The following CCDC102B variants were observed in gnomAD, a reference collection of about 807,000 sequenced individuals.
The protein encoded by CCDC102B is coiled-coil domain-containing protein 102B.
A neutral mutation model predicts 57.4 loss-of-function variants in CCDC102B; 75 were observed. The observed-to-expected ratio is 1.31, with a 90% CI of 1.08 to 1.58. CCDC102B has a LOEUF of 1.58. CCDC102B is among the 40% of genes most tolerant of loss of function. The pLI is 0.00. For missense variants in CCDC102B, 636 were observed against 582.6 expected, an observed-to-expected ratio of 1.09 and a Z score of -0.94; for synonymous variants, 206 against 201.9, an observed-to-expected ratio of 1.02 and a Z score of -0.17.
At chr18:68,885,470 A>G (rs947256362) in intron 5 of CCDC102B, among the ~76,000 whole-genome samples, 5 of 152,076 alleles carry the variant, frequency 3.3e-5, no homozygotes, top group African/African-American at 1.2e-4. Context: ...ACACTGGAAT[A>G]CAATAAACTG....
At chr18:68,728,953 T>G (rs981238644) in intron 2 of CCDC102B, among the ~76,000 whole-genome samples, 45 of 151,910 alleles carry the variant, frequency 3.0e-4, no homozygotes, top group African/African-American at 1.1e-3. Flanking sequence ...TTTAAAAAAG[T>G]TCATGTATTC....
At chr18:68,960,391 G>A (rs1221154894) in intron 6 of CCDC102B, among the ~76,000 whole-genome samples, 3 of 152,152 alleles carry the variant, frequency 2.0e-5, no homozygotes, top group Non-Finnish European at 2.9e-5. Flanking sequence ...CACAATGCAA[G>A]ACAAAGCCCT....
intron 2 of CCDC102B, among the ~76,000 whole-genome samples, chr18:68,717,674 G>GT (rs926532336): frequency 2.0e-5 from 3 of 151,844 alleles, no homozygotes; most frequent in African/African-American, 4.8e-5. Context: ...AAATTTAAGT[G>GT]TTTTTTTCTG....
chr18:68,987,503 A>G (rs1157019703), intron 6 of CCDC102B, among the ~76,000 whole-genome samples: 1 of 152,146 alleles, frequency 6.6e-6, no homozygotes, highest in East Asian at 1.9e-4. Context: ...CCTTGGCAGG[A>G]TTTTTAGCTA....
rs573043835 is a variant in CCDC102B at position 68,766,028 on chromosome 18, A to T, written c.-67+49434A>T. Among the ~76,000 whole-genome samples the T allele has an allele frequency of 2.0e-5, 3 of 152,304 alleles. No homozygotes were observed. The East Asian group carries it at 5.8e-4, about 29-fold the overall frequency. Reference sequence around the variant, plus strand: ...TTTTCCATAAAAAATTTTAAAACATATTAATTCATAGGAGATAAGAATTAA... The same window carrying T: ...TTTTCCATAAAAAATTTTAAAACATTTTAATTCATAGGAGATAAGAATTAA... On this transcript the variant is annotated intron_variant, in intron 2 of 3. Coordinates refer to the CCDC102B transcript ENST00000578970.
At chr18:68,849,184 T>C (rs1053263759) in intron 4 of CCDC102B, among the ~76,000 whole-genome samples, 2 of 152,106 alleles carry the variant, frequency 1.3e-5, no homozygotes, top group African/African-American at 4.8e-5. Flanking sequence ...TTAGAATTAC[T>C]AGTGGTATGT....
At chr18:68,893,609 G>A (rs1004857913) in intron 5 of CCDC102B, among the ~76,000 whole-genome samples, 7 of 152,126 alleles carry the variant, frequency 4.6e-5, no homozygotes, top group Non-Finnish European at 8.8e-5. Flanking sequence ...CATACAGTGT[G>A]TGTCTGGTGC....
chr18:68,996,966 T>G (rs2051045204), intron 6 of CCDC102B, among the ~76,000 whole-genome samples: 1 of 152,204 alleles, frequency 6.6e-6, no homozygotes, highest in Admixed American at 6.5e-5. Context: ...CAGATGGAGC[T>G]AATTGAATTA....
At chr18:68,779,820 T>C (rs2034946792) in intron 2 of CCDC102B, among the ~76,000 whole-genome samples, 1 of 152,108 alleles carries the variant, frequency 6.6e-6, no homozygotes, top group Non-Finnish European at 1.5e-5. Context: ...CATGGGTTGA[T>C]TTTTTAAAAA....
rs569665664 is a variant in CCDC102B at position 68,912,705 on chromosome 18, G to A, written c.1263+15277G>A. ...GAGAAATGGGACCAGAGGCTGGAAA[G>A]GAAAAGAAAAAGAATGAAGCCCTTA... On this transcript the variant is annotated intron_variant, in intron 6 of 7. Transcript: ENST00000360242. Among the ~76,000 whole-genome samples the A allele has an allele frequency of 5.8e-4, 88 of 152,210 alleles. 2 individuals carry two copies. The South Asian group carries it at 0.018, about 31-fold the overall frequency.
chr18:69,017,736 T>G (rs186045861), intron 7 of CCDC102B, among the ~76,000 whole-genome samples: 31 of 152,308 alleles, frequency 2.0e-4, no homozygotes, highest in African/African-American at 7.5e-4. Context: ...TACTGTACTT[T>G]CAACCTTTAG....
intron 6 of CCDC102B, among the ~76,000 whole-genome samples, chr18:68,930,677 AT>A (rs957185998): frequency 5.9e-5 from 9 of 151,946 alleles, no homozygotes; most frequent in African/African-American, 1.9e-4. Flanking sequence ...TAACTGAGAA[AT>A]TGTGTAAATG....
chr18:69,032,430 T>C (rs1031943056), intron 7 of CCDC102B, among the ~76,000 whole-genome samples: 4 of 152,164 alleles, frequency 2.6e-5, no homozygotes, highest in African/African-American at 9.6e-5. Flanking sequence ...GACAATAGTG[T>C]TATTCTCTGT....
chr18:68,988,241 C>T (rs2050774102), intron 6 of CCDC102B, among the ~76,000 whole-genome samples: 1 of 151,998 alleles, frequency 6.6e-6, no homozygotes, highest in South Asian at 2.1e-4. Context: ...ATGTTTTTTG[C>T]AGCAACATGG....
intron 2 of CCDC102B, among the ~76,000 whole-genome samples, chr18:68,740,887 A>G (rs927313104): frequency 2.0e-5 from 3 of 152,246 alleles, no homozygotes; most frequent in Admixed American, 6.5e-5. Flanking sequence ...TTGCTTTAGA[A>G]GTACCTTATC....
intron 2 of CCDC102B, among the ~76,000 whole-genome samples, chr18:68,718,783 A>G (rs990375268): frequency 2.6e-5 from 4 of 152,130 alleles, no homozygotes; most frequent in Non-Finnish European, 1.5e-5. Context: ...ATCAATTTAC[A>G]TTTCTCAAGA....
chr18:68,923,911 T>C lies in CCDC102B; in HGVS notation c.1263+26483T>C, dbSNP rs148464424. On this transcript the variant is annotated intron_variant, in intron 6 of 7. Coordinates refer to ENST00000360242, the MANE Select transcript of CCDC102B (RefSeq NM_024781.3). ...TAAATTACCAACTATGCAAGGGATC[T>C]GTGGCCATCATCAGCAAAACTTGCT... Among the ~76,000 whole-genome samples, 844 of 152,212 alleles carry C rather than the reference T, an allele frequency of 5.5e-3. 12 individuals are homozygous for C. The highest frequency in any genetic ancestry group is 0.02 in the African/African-American group (812 of 41,550).
chr18:68,791,360 G>C (rs1390386678), intron 2 of CCDC102B, among the ~76,000 whole-genome samples: 1 of 152,128 alleles, frequency 6.6e-6, no homozygotes, highest in African/African-American at 2.4e-5. Context: ...AGTGGATGTT[G>C]AGTTCTTTTG....
chr18:68,998,989 TATATATATATAGAG>T (rs764149191), intron 6 of CCDC102B, among the ~76,000 whole-genome samples: 8,984 of 73,428 alleles, frequency 0.12, 166 homozygotes, highest in South Asian at 0.18. Flanking sequence ...TATATATATA[TATATATATATAGAG>T]AGAGAGAGAG....
Sources: allele counts gnomAD v4.1 joint callset (sites outside exome capture counted in the v4.1 genomes callset), GRCh38; gene constraint gnomAD v4.1.1; transcripts MANE v1.5; gene names NCBI Gene and HGNC (gene_info 2026-07-23, HGNC 2026-07-21).